The following MYOM3 variants were observed in gnomAD, a reference collection of about 807,000 sequenced individuals.
MYOM3 encodes myomesin 3, also known as myomesin-3.
MYOM3 carries 155 observed loss-of-function variants against 191.7 expected under a neutral mutation model. The observed-to-expected ratio is 0.81, with a 90% CI of 0.71 to 0.92. MYOM3 has a LOEUF of 0.92. MYOM3 is among the 40% of genes least tolerant of loss of function. The probability of loss-of-function intolerance (pLI) is 0.00; values close to 1 mark genes in which losing one functional copy is unlikely to be tolerated. For missense variants in MYOM3, 1,889 were observed against 1,890.6 expected (o/e 1.00, Z 0.02); for synonymous variants, 757 against 762.9 (o/e 0.99, Z 0.13).
rs779246835 is a variant in MYOM3 at position 24,071,984 on chromosome 1, C to G, written c.2998G>C (p.Glu1000Gln). The G allele has an allele frequency of 1.9e-6, 3 of 1,614,140 alleles. No homozygotes were observed. The highest frequency in any genetic ancestry group is 2.5e-6 in the Non-Finnish European group (3 of 1,180,024). The change falls in exon 24 of 37, where the codon GAG (glutamate) becomes CAG (glutamine). Residue 1000 changes from glutamate (E) to glutamine (Q), a missense_variant. Coordinates refer to ENST00000374434, the MANE Select transcript of MYOM3 (RefSeq NM_152372.4). ...ELEKLKKLSH[E>Q]IRNPVIKLIS... ...GCTTGCTTACCTGGGTTTCTGATCT[C>G]ATGACTCAGCTTCTTCAGCTTCTCC...
intron 9 of MYOM3, among the ~76,000 whole-genome samples, chr1:24,094,338 T>G (rs1452572958): frequency 6.6e-6 from 1 of 151,818 alleles, no homozygotes; most frequent in African/African-American, 2.4e-5. Context: ...GCCTGGCTAA[T>G]TTTTGGTATT....
intron 28 of MYOM3, chr1:24,066,629 G>A: frequency 8.5e-6 from 3 of 353,354 alleles, no homozygotes; most frequent in East Asian, 1.1e-4. Flanking sequence ...AGTGAGGATA[G>A]TAATGCCTGT....
intron 25 of MYOM3, 40 bp downstream of exon 25, chr1:24,071,077 C>T (rs1249066053): frequency 2.5e-6 from 4 of 1,602,198 alleles, no homozygotes; most frequent in East Asian, 2.2e-5. Flanking sequence ...ACCTCCCCGG[C>T]AGGGGAGCCT....
chr1:24,092,812 A>G (rs4075565), intron 10 of MYOM3, 135 bp downstream of exon 10: 405,891 of 915,936 alleles, frequency 0.44, 92,790 homozygotes, highest in African/African-American at 0.47. Flanking sequence ...ACCCCAACCC[A>G]AAGCCCTGAT....
chr1:24,061,071 A>G lies in MYOM3; in HGVS notation c.3983T>C (p.Ile1328Thr), dbSNP rs185830643. The G allele has an allele frequency of 3.7e-5, 59 of 1,614,048 alleles. No homozygotes were observed. The highest frequency in any genetic ancestry group is 4.7e-5 in the Non-Finnish European group (56 of 1,180,046). Reference sequence around the variant, plus strand: ...ATCGGCCGACTTACTCTTCTCGATGATGGCCAAGGTTCTGAAAAACAGAAA... The same window carrying G: ...ATCGGCCGACTTACTCTTCTCGATGGTGGCCAAGGTTCTGAAAAACAGAAA... ...AEHQRLKTLA[I>T]IEKNRAKVVR... Residue 1328 changes from isoleucine (I) to threonine (T), a missense_variant, in exon 35 of 37, where the codon ATC (isoleucine) becomes ACC (threonine). Transcript: ENST00000374434.
Position 24,090,779 on chromosome 1 carries a change from T to G in MYOM3, c.1432+18A>C. The G allele has an allele frequency of 6.2e-7, 1 of 1,613,248 alleles. No individual in the cohort carries two copies. The highest frequency in any genetic ancestry group is 1.1e-5 in the South Asian group (1 of 91,032). On this transcript the variant is annotated intron_variant, in intron 12 of 36. Coordinates refer to ENST00000374434, the MANE Select transcript of MYOM3 (RefSeq NM_152372.4). ...CTGACTGATGTTCTAGAAAGTCGCT[T>G]AGGACCTCTGTACCCACCTGTCTTC...
intron 35 of MYOM3, 89 bp from the exon 36 acceptor site, chr1:24,059,068 C>A: frequency 1.2e-6 from 1 of 836,044 alleles, no homozygotes; most frequent in Non-Finnish European, 1.9e-6. Context: ...TATTTTTAAG[C>A]AAGGCTTCTT....
intron 9 of MYOM3, among the ~76,000 whole-genome samples, chr1:24,094,168 C>CTT (rs746164315): frequency 7.9e-5 from 10 of 126,298 alleles, no homozygotes; most frequent in East Asian, 2.3e-4. Context: ...CCCTCACTCA[C>CTT]TTTTTTTTTT....
intron 12 of MYOM3, among the ~76,000 whole-genome samples, chr1:24,090,487 G>A (rs539019111): frequency 2.0e-5 from 3 of 152,200 alleles, no homozygotes; most frequent in Non-Finnish European, 4.4e-5. Flanking sequence ...CATCTGACAG[G>A]TGCTGGGGTA....
chr1:24,072,105 G>A, intron 23 of MYOM3, 92 bp from the exon 24 acceptor site: 1 of 1,326,492 alleles, frequency 7.5e-7, no homozygotes, highest in African/African-American at 1.4e-5. Flanking sequence ...AGGATCCTGT[G>A]CTGGGTCAAA....
intron 35 of MYOM3, among the ~76,000 whole-genome samples, chr1:24,059,458 T>C (rs1643342173): frequency 6.6e-6 from 1 of 152,246 alleles, no homozygotes. Flanking sequence ...TCTAGAACTG[T>C]ATTACATGCT....
Position 24,068,236 on chromosome 1 carries a change from T to A in MYOM3, c.3282A>T (p.Thr1094=), listed in dbSNP as rs1184955187. The change falls in exon 26 of 37, where the codon ACA becomes ACT. Residue 1094 remains threonine, a synonymous_variant. Coordinates refer to ENST00000374434, the MANE Select transcript of MYOM3 (RefSeq NM_152372.4). The part of the protein sequence containing the change: ...DGKAKNQITL[T]LVDDDFDKLL... Reference sequence around the variant, plus strand: ...GGCATGGCTGACCGTCATCCACCAGTGTCAAGGTAATCTGGTTTTTGGCTT... The same window carrying A: ...GGCATGGCTGACCGTCATCCACCAGAGTCAAGGTAATCTGGTTTTTGGCTT... The A allele has an allele frequency of 6.2e-7, 1 of 1,612,610 alleles. No individual in the cohort carries two copies. Among genetic ancestry groups the A allele is most frequent in the Non-Finnish European group, 8.5e-7 (1 of 1,179,948 alleles).
Position 24,094,168 on chromosome 1 carries a change from CTTTTTT to C in MYOM3, c.928+679_928+684del, listed in dbSNP as rs746164315. On this transcript the variant is annotated intron_variant, in intron 9 of 36. Coordinates refer to ENST00000374434, the MANE Select transcript of MYOM3 (RefSeq NM_152372.4). ...CCATTGCTTTGAGTGCCCTCACTCA[CTTTTTT>C]TTTTTTTTTTTTTTGAGATGGAGTC... Among the ~76,000 whole-genome samples, 6 of 126,304 alleles carry C rather than the reference CTTTTTT, an allele frequency of 4.8e-5. No homozygotes were observed. The East Asian group carries it at 1.1e-3, about 24-fold the overall frequency. The allele number at this position is 126,304 out of a possible 152,430, so 82.9% of individuals were successfully genotyped here. A position where few individuals can be genotyped will look rare whatever the true frequency, so the allele number is the denominator to read the frequency against.
intron 21 of MYOM3, 98 bp from the exon 22 acceptor site, chr1:24,075,573 C>T (rs1643587562): frequency 1.5e-6 from 2 of 1,299,880 alleles, no homozygotes; most frequent in Non-Finnish European, 2.1e-6. Flanking sequence ...GCCTGTTGCA[C>T]TTAATAATAA....
At position 24,082,626 on chromosome 1, in the gene MYOM3, C is replaced by G. The variant is rs199613391; in HGVS notation, c.2059G>C (p.Ala687Pro). 4 of 1,611,224 alleles carry G rather than the reference C, an allele frequency of 2.5e-6. No individual in the cohort carries two copies. The African/African-American group carries it at 5.4e-5, about 22-fold the overall frequency. Reference sequence around the variant, plus strand: ...TGCTTGACCCTGATGGGCTCGGTGGCGGCTGAGCTCTCGCCTACCCCAGCC... The same window carrying G: ...TGCTTGACCCTGATGGGCTCGGTGGGGGCTGAGCTCTCGCCTACCCCAGCC... Reference protein sequence around the residue: ...SEAGVGESSAATEPIRVKQAL... With the variant: ...SEAGVGESSAPTEPIRVKQAL... Residue 687 changes from alanine to proline, a missense_variant, in exon 17 of 37, where the codon GCC (alanine) becomes CCC (proline). By Grantham distance (27) the Ala-to-Pro change is conservative. Coordinates refer to ENST00000374434, the MANE Select transcript of MYOM3 (RefSeq NM_152372.4).
In MYOM3 at chr1:24,086,581, A is replaced by G. The variant is rs1237049133; in HGVS notation, c.1798+63T>C. On this transcript the variant is annotated intron_variant, in intron 15 of 36. Transcript: ENST00000374434. ...GAAGTGGGCAGGGCTTTGTCCCTGC[A>G]GCTTCAGGTCCTGAGCCTGGCCTGG... 11 of 1,534,750 alleles carry G rather than the reference A, an allele frequency of 7.2e-6. No homozygotes were observed. The Admixed American group carries it at 2.0e-4, about 28-fold the overall frequency.
In MYOM3 at chr1:24,080,036, T is replaced by TG. The variant is rs1484410979; in HGVS notation, c.2565dup (p.Ile856HisfsTer37). 1.2e-6 allele frequency: 2 copies of TG among 1,610,920 alleles called. No individual in the cohort carries two copies. Among genetic ancestry groups the TG allele is most frequent in the African/African-American group, 2.7e-5 (2 of 74,734 alleles). ...CTTACCCTCAGGTGGGTGCCAGAGA[T>TG]GGGGCCTGGGGTGACCGGCTTCCAC... On this transcript the variant is annotated frameshift_variant, in exon 20 of 37. Transcript: ENST00000374434. LOFTEE classifies it high-confidence loss of function.
At chr1:24,075,282 C>A (rs779630940) in intron 22 of MYOM3, 37 bp downstream of exon 22, 13 of 1,607,540 alleles carry the variant, frequency 8.1e-6, no homozygotes, top group Non-Finnish European at 1.0e-5. Flanking sequence ...GTATTTGGGT[C>A]CCGTTGAGCA....
intron 26 of MYOM3, 34 bp from the exon 27 acceptor site, chr1:24,068,063 G>T (rs537496604): frequency 3.1e-6 from 5 of 1,612,248 alleles, no homozygotes; most frequent in South Asian, 1.1e-5. Flanking sequence ...GGCATGAGCC[G>T]AGAGGAGTGT....
Sources: allele counts gnomAD v4.1 joint callset (sites outside exome capture counted in the v4.1 genomes callset), GRCh38; gene constraint gnomAD v4.1.1; transcripts MANE v1.5; gene names NCBI Gene and HGNC (gene_info 2026-07-23, HGNC 2026-07-21).